Variants in LRP2 observed in about 807,000 individuals in gnomAD.
The protein encoded by LRP2 is low-density lipoprotein receptor-related protein 2.
In LRP2, 172 loss-of-function variants were observed where a neutral mutation model predicts 531.0. The ratio of observed to expected loss-of-function variants is 0.32; its 90% confidence interval spans 0.29 to 0.37. LRP2 has a LOEUF of 0.37. Among genes scored for constraint, LRP2 ranks in the 10% least tolerant of loss-of-function variants. LRP2 has a pLI of 1.00. For missense variants in LRP2, 5,167 were observed against 5,868.3 expected, an observed-to-expected ratio of 0.88 and a Z score of 3.90; for synonymous variants, 1,992 against 2,027.6, an observed-to-expected ratio of 0.98 and a Z score of 0.47.
At position 169,275,221 on chromosome 2, in the gene LRP2, C is replaced by T. The variant is rs1683520914; in HGVS notation, c.1790G>A (p.Gly597Glu). 1 of 1,613,234 alleles carries T rather than the reference C, an allele frequency of 6.2e-7. No individual in the cohort carries two copies. The highest frequency in any genetic ancestry group is 1.3e-5 in the African/African-American group (1 of 74,886). Reference protein sequence around the residue: ...DGIQRKTVVHGGSLIPHPFGV... With the variant: ...DGIQRKTVVHEGSLIPHPFGV... ...AAAGGGATGAGGAATGAGGGAGCCT[C>T]CATGAACTACAGTCTTCCTGTTATA... is the stretch of plus-strand genomic sequence containing the variant. Residue 597 changes from glycine (G) to glutamate (E), a missense_variant, in exon 14 of 79, where the codon GGA (glycine) becomes GAA (glutamate). Gly to Glu is a moderately conservative substitution (Grantham distance 98). Transcript: ENST00000649046.
intron 1 of LRP2, among the ~76,000 whole-genome samples, chr2:169,327,665 C>CG (rs1685125587): frequency 8.3e-4 from 1 of 1,200 alleles, no homozygotes; most frequent in South Asian, 0.022. Context: ...AGGTGGGGGG[C>CG]TCAGCCCCCT....
chr2:169,147,005 T>G (rs778904861), intron 68 of LRP2, 46 bp from the exon 69 acceptor site: 1 of 1,403,110 alleles, frequency 7.1e-7, no homozygotes, highest in South Asian at 1.2e-5. Context: ...CTGGTAAGAC[T>G]TCTCCACTAC....
At chr2:169,163,829 T>C (rs1302241231) in intron 62 of LRP2, among the ~76,000 whole-genome samples, 2 of 152,132 alleles carry the variant, frequency 1.3e-5, no homozygotes, top group Non-Finnish European at 1.5e-5. Context: ...CCCTCTTCAT[T>C]TGCAGAGGAA....
intron 31 of LRP2, among the ~76,000 whole-genome samples, chr2:169,229,206 G>A (rs778199447): frequency 3.9e-5 from 6 of 152,172 alleles, no homozygotes; most frequent in Non-Finnish European, 8.8e-5. Context: ...AGGTGGTGAC[G>A]GTTAAGTAGG....
intron 1 of LRP2, among the ~76,000 whole-genome samples, chr2:169,361,201 G>A (rs546998182): frequency 6.6e-6 from 1 of 152,244 alleles, no homozygotes; most frequent in South Asian, 2.1e-4. Context: ...TCTGTCTGGT[G>A]GTCGGTCACA....
intron 30 of LRP2, among the ~76,000 whole-genome samples, 192 bp from the exon 31 acceptor site, chr2:169,232,034 T>G (rs1689425450): frequency 6.6e-6 from 1 of 152,140 alleles, no homozygotes; most frequent in Non-Finnish European, 1.5e-5. Flanking sequence ...GCATCAGGCT[T>G]TCAACTTAGA....
At chr2:169,257,761 A>G (rs559961295) in intron 17 of LRP2, among the ~76,000 whole-genome samples, 12 of 151,584 alleles carry the variant, frequency 7.9e-5, no homozygotes, top group East Asian at 2.0e-4. Context: ...ATCTGACCCA[A>G]GCATTTTTTT....
chr2:169,316,114 C>T (rs2105509074), intron 3 of LRP2, among the ~76,000 whole-genome samples: 1 of 150,138 alleles, frequency 6.7e-6, no homozygotes, highest in African/African-American at 2.5e-5. Flanking sequence ...TGCATTCCAG[C>T]CTGGGCAACA....
At chr2:169,279,685 G>T in intron 11 of LRP2, 90 bp from the exon 12 acceptor site, 1 of 755,044 alleles carries the variant, frequency 1.3e-6, no homozygotes, top group Non-Finnish European at 2.2e-6. Flanking sequence ...CAAATCAGAA[G>T]TGCTAAAAAT....
Position 169,318,903 on chromosome 2 carries a change from G to C in LRP2, c.188-19C>G. 6.2e-7 allele frequency: 1 copy of C among 1,613,872 alleles called. No homozygotes were observed. The highest frequency in any genetic ancestry group is 2.2e-5 in the East Asian group (1 of 44,884). ...ACAACAGCTAAAACAAACCAAAAGAGGACTCATTATGGCAATCATCCTCCC... is the reference window on the plus strand; with the variant it reads ...ACAACAGCTAAAACAAACCAAAAGACGACTCATTATGGCAATCATCCTCCC... On this transcript the variant is annotated intron_variant, in intron 2 of 78. Transcript: ENST00000649046.
intron 4 of LRP2, among the ~76,000 whole-genome samples, chr2:169,295,195 G>A (rs1026459998): frequency 2.6e-5 from 4 of 152,168 alleles, no homozygotes; most frequent in Admixed American, 2.6e-4. Flanking sequence ...CAGGCCTAGA[G>A]TTCAGGAGCC....
chr2:169,231,954 G>C, intron 30 of LRP2, 112 bp from the exon 31 acceptor site: 1 of 1,319,582 alleles, frequency 7.6e-7, no homozygotes, highest in Non-Finnish European at 1.1e-6. Context: ...GGGGGCTTAA[G>C]TACGTTGTTA....
intron 3 of LRP2, among the ~76,000 whole-genome samples, chr2:169,307,811 T>A (rs978150869): frequency 6.6e-6 from 1 of 152,194 alleles, no homozygotes. Context: ...TGAATATGAA[T>A]ATGAGTGATT....
rs752494058 is a variant in LRP2 at position 169,213,870 on chromosome 2, T to C, written c.5827A>G (p.Ile1943Val). The C allele has an allele frequency of 1.9e-6, 3 of 1,609,992 alleles. No homozygotes were observed. Among genetic ancestry groups the C allele is most frequent in the African/African-American group, 1.3e-5 (1 of 74,884 alleles). Residue 1943 changes from isoleucine to valine, a missense_variant and splice_region_variant, in exon 36 of 79, where the codon ATT (isoleucine) becomes GTT (valine). Physicochemically the swap from Ile to Val is conservative, Grantham distance 29. Coordinates refer to ENST00000649046, the MANE Select transcript of LRP2 (RefSeq NM_004525.3). Reference protein sequence around the residue: ...LYWAVTGRGVIERGNVDGTDR... With the variant: ...LYWAVTGRGVVERGNVDGTDR... ...GTTCCATCCACGTTTCCTCTTTCAATCTAAAGGATTGGAATTTTCATTAGT... is the reference window on the plus strand; with the variant it reads ...GTTCCATCCACGTTTCCTCTTTCAACCTAAAGGATTGGAATTTTCATTAGT...
chr2:169,273,285 C>T (rs867151496), intron 14 of LRP2, among the ~76,000 whole-genome samples: 25 of 151,652 alleles, frequency 1.6e-4, no homozygotes, highest in African/African-American at 4.1e-4. Flanking sequence ...CTCCAACAGA[C>T]GGTGGCAAAA....
At chr2:169,139,500 G>A (rs1685644020) in intron 73 of LRP2, 43 bp downstream of exon 73, 14 of 1,610,714 alleles carry the variant, frequency 8.7e-6, no homozygotes, top group Non-Finnish European at 1.2e-5. Flanking sequence ...TCAATGTAGG[G>A]GCCATGAGTA....
At chr2:169,247,115 C>G in intron 20 of LRP2, 129 bp from the exon 21 acceptor site, 2 of 1,163,914 alleles carry the variant, frequency 1.7e-6, no homozygotes, top group Non-Finnish European at 2.4e-6. Context: ...GTAGCTTCCT[C>G]TTGGAAATCA....
intron 38 of LRP2, among the ~76,000 whole-genome samples, chr2:169,207,806 C>T (rs1366711537): frequency 6.6e-6 from 1 of 152,104 alleles, no homozygotes; most frequent in African/African-American, 2.4e-5. Flanking sequence ...AGTCCATTTC[C>T]CTTTGGGCCT....
chr2:169,142,073 A>T (rs763663270), intron 71 of LRP2, among the ~76,000 whole-genome samples: 2 of 152,220 alleles, frequency 1.3e-5, no homozygotes, highest in African/African-American at 2.4e-5. Context: ...CGACTTTTTC[A>T]CAGGCTTTTC....
Sources: allele counts gnomAD v4.1 joint callset (sites outside exome capture counted in the v4.1 genomes callset), GRCh38; gene constraint gnomAD v4.1.1; transcripts MANE v1.5; gene names NCBI Gene and HGNC (gene_info 2026-07-23, HGNC 2026-07-21).